SLC22A16: variants seen among roughly 807,000 people sequenced by gnomAD.
SLC22A16 encodes solute carrier family 22 member 16.
A neutral mutation model predicts 52.9 loss-of-function variants in SLC22A16; 53 were observed. That is an observed-to-expected ratio of 1.00 (90% CI 0.80 to 1.26). The LOEUF is 1.26. Among genes scored for constraint, SLC22A16 ranks in the 50% most tolerant of loss-of-function variants. SLC22A16 has a pLI of 0.00. For missense variants in SLC22A16, 726 were observed against 704.0 expected (o/e 1.03, Z -0.35); for synonymous variants, 291 against 268.8 (o/e 1.08, Z -0.81).
At chr6:110,431,718 G>A (rs1018449931) in intron 6 of SLC22A16, among the ~76,000 whole-genome samples, 3 of 152,110 alleles carry the variant, frequency 2.0e-5, no homozygotes, top group East Asian at 1.9e-4. Flanking sequence ...GTAAAAAAAC[G>A]TAAGCTTGAA....
intron 6 of SLC22A16, among the ~76,000 whole-genome samples, chr6:110,434,909 C>T (rs1774662872): frequency 6.6e-6 from 1 of 151,946 alleles, no homozygotes; most frequent in African/African-American, 2.4e-5. Flanking sequence ...ACCCAGGAGG[C>T]GGAGCTTGCA....
At chr6:110,443,340 G>A (rs1235626043) in intron 3 of SLC22A16, among the ~76,000 whole-genome samples, 2 of 152,010 alleles carry the variant, frequency 1.3e-5, no homozygotes, top group Admixed American at 1.3e-4. Context: ...ATCTGATAAG[G>A]GATTTTATGG....
chr6:110,461,977 C>T (rs1275370945), intron 1 of SLC22A16, among the ~76,000 whole-genome samples: 4 of 152,164 alleles, frequency 2.6e-5, no homozygotes, highest in African/African-American at 9.7e-5. Context: ...TTCCACAAGG[C>T]TGGGGAGGCC....
intron 2 of SLC22A16, among the ~76,000 whole-genome samples, chr6:110,453,260 G>T (rs1012583957): frequency 2.6e-5 from 4 of 152,102 alleles, no homozygotes; most frequent in African/African-American, 9.7e-5. Flanking sequence ...AGTATTTGAA[G>T]TCTTTGTGCA....
At chr6:110,469,454 C>A (rs1166874758) in intron 1 of SLC22A16, among the ~76,000 whole-genome samples, 1 of 152,158 alleles carries the variant, frequency 6.6e-6, no homozygotes, top group East Asian at 1.9e-4. Context: ...GAGGCTGAGG[C>A]ATGAGAATAG....
intron 1 of SLC22A16, among the ~76,000 whole-genome samples, chr6:110,463,805 C>G (rs148407431): frequency 2.6e-5 from 4 of 151,776 alleles, no homozygotes; most frequent in Admixed American, 2.0e-4. Flanking sequence ...GAGACACCTA[C>G]AGAACATTCC....
chr6:110,466,911 TGATAGATAGATAGATA>T (rs3045569), intron 1 of SLC22A16, among the ~76,000 whole-genome samples: 2,028 of 140,662 alleles, frequency 0.014, 35 homozygotes, highest in African/African-American at 0.049. Context: ...AAAGAAAATG[TGATAGATAGATAGATA>T]GATAGATAGA....
At chr6:110,449,125 T>C (rs565534524) in intron 2 of SLC22A16, among the ~76,000 whole-genome samples, 2 of 152,102 alleles carry the variant, frequency 1.3e-5, no homozygotes, top group Non-Finnish European at 2.9e-5. Flanking sequence ...GCAACCAACT[T>C]TTCTGAGCTC....
At chr6:110,465,212 A>C (rs1776021022) in intron 1 of SLC22A16, among the ~76,000 whole-genome samples, 1 of 152,230 alleles carries the variant, frequency 6.6e-6, no homozygotes, top group East Asian at 1.9e-4. Context: ...GAAAAGTAAA[A>C]TGCATTCCTC....
Position 110,425,093 on chromosome 6 carries a change from G to A in SLC22A16, c.1522-8C>T. 1 of 1,613,160 alleles carries A rather than the reference G, an allele frequency of 6.2e-7. No homozygotes were observed. The highest frequency in any genetic ancestry group is 8.5e-7 in the Non-Finnish European group (1 of 1,179,588). The stretch of plus-strand genomic sequence containing the variant: ...CATAGTCCCAACAAACAACTAGAAG[G>A]AATTAAAAATAATGATAAGTGACAC... On this transcript the variant is annotated splice_region_variant and splice_polypyrimidine_tract_variant and intron_variant, in intron 7 of 7. Coordinates refer to ENST00000368919, the MANE Select transcript of SLC22A16 (RefSeq NM_033125.4).
chr6:110,460,515 A>G (rs1335452417), intron 1 of SLC22A16, among the ~76,000 whole-genome samples: 3 of 152,000 alleles, frequency 2.0e-5, no homozygotes, highest in Non-Finnish European at 4.4e-5. Flanking sequence ...CCCCTGTAAC[A>G]AACTGCTGAC....
chr6:110,463,689 G>A (rs1197616339), intron 1 of SLC22A16, among the ~76,000 whole-genome samples: 2 of 151,810 alleles, frequency 1.3e-5, no homozygotes, highest in African/African-American at 4.8e-5. Context: ...ATATAAAAGA[G>A]TGAGGGACTT....
intron 3 of SLC22A16, among the ~76,000 whole-genome samples, chr6:110,445,357 A>T (rs1032564977): frequency 4.8e-4 from 73 of 152,232 alleles, no homozygotes; most frequent in African/African-American, 1.7e-3. Flanking sequence ...ACCCTGGTGA[A>T]CGCTCCAGAC....
Position 110,431,235 on chromosome 6 carries a change from C to A in SLC22A16, c.1457G>T (p.Arg486Leu). The change falls in exon 7 of 8, where the codon CGC (arginine) becomes CTC (leucine). Residue 486 changes from arginine to leucine, a missense_variant. Arg to Leu is a moderately radical substitution (Grantham distance 102). Transcript: ENST00000368919. The part of the protein sequence containing the change: ...LAVGSGSMVC[R>L]LASILAPFSV... The stretch of plus-strand genomic sequence containing the variant: ...GAACGGCGCCAGGATGCTGGCCAGG[C>A]GACACACCATGCTGCCGCTTCCCAC... 3.7e-6 allele frequency: 6 copies of A among 1,613,298 alleles called. No homozygotes were observed. The highest frequency in any genetic ancestry group is 5.1e-6 in the Non-Finnish European group (6 of 1,179,968).
At chr6:110,466,946 T>C (rs1220860221) in intron 1 of SLC22A16, among the ~76,000 whole-genome samples, 2 of 152,002 alleles carry the variant, frequency 1.3e-5, no homozygotes, top group Non-Finnish European at 2.9e-5. Context: ...GATAGATAGA[T>C]AGATAGATAG....
chr6:110,458,112 C>T (rs1020465943), intron 1 of SLC22A16, among the ~76,000 whole-genome samples: 2 of 152,164 alleles, frequency 1.3e-5, no homozygotes, highest in African/African-American at 4.8e-5. Flanking sequence ...TATTAAAAGT[C>T]TCTGATATGC....
At position 110,434,757 on chromosome 6, in the gene SLC22A16, A is replaced by G. The variant is rs368917622; in HGVS notation, c.1421+1095T>C. ...CACTTTGGGAGGCCAAGGCTGGCGG[A>G]TCACGAGGTCAGGAGTTCGAGACCA... On this transcript the variant is annotated intron_variant, in intron 6 of 7. Coordinates refer to ENST00000368919, the MANE Select transcript of SLC22A16 (RefSeq NM_033125.4). Among the ~76,000 whole-genome samples the G allele has an allele frequency of 1.6e-3, 251 of 152,234 alleles. 2 individuals carry two copies. Among genetic ancestry groups the G allele is most frequent in the African/African-American group, 5.9e-3 (245 of 41,530 alleles).
intron 3 of SLC22A16, among the ~76,000 whole-genome samples, chr6:110,444,560 T>TTAA: frequency 6.6e-6 from 1 of 152,274 alleles, no homozygotes; most frequent in Middle Eastern, 3.4e-3. Context: ...CCCTCACTGC[T>TTAA]TTTAAAGACT....
chr6:110,473,861 C>A (rs916675202), intron 1 of SLC22A16, among the ~76,000 whole-genome samples: 6 of 151,864 alleles, frequency 4.0e-5, no homozygotes, highest in African/African-American at 7.3e-5. Context: ...AATAGTGCTT[C>A]CTTATTCTAG....
Sources: gnomAD v4.1 joint callset for allele counts (sites outside exome capture counted in the v4.1 genomes callset) on GRCh38, gnomAD v4.1.1 for gene constraint, MANE v1.5 for transcripts, NCBI Gene and HGNC (gene_info 2026-07-23, HGNC 2026-07-21) for gene names.